Variants in RGS6 observed in about 807,000 individuals in gnomAD.
RGS6 encodes regulator of G-protein signaling 6.
Under a neutral mutation model 78.5 loss-of-function variants are expected in RGS6, and 30 were observed. The ratio of observed to expected loss-of-function variants is 0.38; its 90% CI spans 0.29 to 0.52. RGS6 has a LOEUF of 0.52. Ranked by LOEUF, RGS6 falls within the 20% of genes least tolerant of loss-of-function variation. The pLI is 0.85. For synonymous variants in RGS6, 206 were observed against 206.0 expected, an observed-to-expected ratio of 1.00 and a Z score of 0.00; for missense variants, 495 against 609.7, an observed-to-expected ratio of 0.81 and a Z score of 1.98.
At chr14:72,061,769 C>T (rs1236574892) in intron 2 of RGS6, among the ~76,000 whole-genome samples, 1 of 152,138 alleles carries the variant, frequency 6.6e-6, no homozygotes, top group African/African-American at 2.4e-5. Context: ...TACAGATTTG[C>T]TATGATGGTG....
intron 2 of RGS6, among the ~76,000 whole-genome samples, chr14:72,326,955 C>T (rs1029583044): frequency 2.6e-5 from 4 of 152,182 alleles, no homozygotes. Flanking sequence ...GATCTGCCCA[C>T]CTCGGCCTCC....
chr14:72,517,650 G>A (rs2096968000), intron 14 of RGS6, among the ~76,000 whole-genome samples: 1 of 152,180 alleles, frequency 6.6e-6, no homozygotes, highest in South Asian at 2.1e-4. Flanking sequence ...CATATATTGA[G>A]CACCTACTAT....
chr14:71,980,298 G>A (rs1288118068), intron 2 of RGS6, among the ~76,000 whole-genome samples: 2 of 129,678 alleles, frequency 1.5e-5, no homozygotes, highest in African/African-American at 3.0e-5. Context: ...ATTTGATCCT[G>A]TCATTATGAT....
intron 3 of RGS6, among the ~76,000 whole-genome samples, chr14:72,451,722 C>T (rs932089698): frequency 6.6e-6 from 1 of 152,120 alleles, no homozygotes; most frequent in Non-Finnish European, 1.5e-5. Flanking sequence ...CAGGAAACCT[C>T]ACAGTTTCTA....
intron 3 of RGS6, among the ~76,000 whole-genome samples, chr14:72,356,874 T>C (rs952771613): frequency 6.6e-6 from 1 of 152,238 alleles, no homozygotes; most frequent in Non-Finnish European, 1.5e-5. Context: ...ATATGTCCTT[T>C]ATAAATTACC....
intron 3 of RGS6, among the ~76,000 whole-genome samples, chr14:72,380,847 A>G (rs7140973): frequency 0.5 from 76,002 of 151,576 alleles, 20,823 homozygotes; most frequent in African/African-American, 0.74. Flanking sequence ...GGAAATCAGT[A>G]TATCAAAGGG....
chr14:72,394,699 A>T (rs1453022909), intron 3 of RGS6, among the ~76,000 whole-genome samples: 1 of 152,094 alleles, frequency 6.6e-6, no homozygotes, highest in African/African-American at 2.4e-5. Context: ...AGGTGCCCAG[A>T]TTTCCTATTG....
intron 15 of RGS6, among the ~76,000 whole-genome samples, chr14:72,519,839 A>G (rs2097008893): frequency 6.6e-6 from 1 of 152,200 alleles, no homozygotes; most frequent in South Asian, 2.1e-4. Flanking sequence ...CTGAAGCTCA[A>G]ACTCCAATAT....
intron 2 of RGS6, among the ~76,000 whole-genome samples, chr14:72,217,246 C>T (rs2045810603): frequency 6.6e-6 from 1 of 152,026 alleles, no homozygotes; most frequent in South Asian, 2.1e-4. Context: ...TTGAGAACAC[C>T]CAAAACTTTA....
chr14:72,224,329 G>A (rs2047581982), intron 2 of RGS6, among the ~76,000 whole-genome samples: 1 of 152,060 alleles, frequency 6.6e-6, no homozygotes, highest in Non-Finnish European at 1.5e-5. Flanking sequence ...GAGGTGGGAG[G>A]ATGGCTTGAG....
At chr14:71,981,949 G>T (rs11851100) in intron 2 of RGS6, among the ~76,000 whole-genome samples, 2 of 151,450 alleles carry the variant, frequency 1.3e-5, no homozygotes, top group Admixed American at 6.6e-5. Flanking sequence ...CTCCGTGGGC[G>T]TAGGACCCTC....
intron 3 of RGS6, among the ~76,000 whole-genome samples, chr14:72,392,500 G>A (rs1270705859): frequency 6.6e-6 from 1 of 152,080 alleles, no homozygotes. Context: ...CACGCACCTG[G>A]CCCAAGAGTC....
intron 2 of RGS6, among the ~76,000 whole-genome samples, chr14:72,061,306 T>C (rs934118554): frequency 6.6e-6 from 1 of 152,206 alleles, no homozygotes; most frequent in African/African-American, 2.4e-5. Flanking sequence ...GTTGGGATTT[T>C]GTTGAGATAA....
chr14:72,434,208 G>A (rs1158586761), intron 3 of RGS6, among the ~76,000 whole-genome samples: 1 of 152,066 alleles, frequency 6.6e-6, no homozygotes, highest in Non-Finnish European at 1.5e-5. Flanking sequence ...GTGGTGGCAT[G>A]CACCTATAGT....
chr14:72,166,093 GACACAC>G (rs3055029), intron 2 of RGS6, among the ~76,000 whole-genome samples: 6,431 of 107,702 alleles, frequency 0.06, 255 homozygotes, highest in Middle Eastern at 0.17. Flanking sequence ...CCATTTTTGA[GACACAC>G]ACACACACAC....
chr14:72,179,927 G>A (rs2097153200), intron 2 of RGS6, among the ~76,000 whole-genome samples: 1 of 152,144 alleles, frequency 6.6e-6, no homozygotes, highest in Non-Finnish European at 1.5e-5. Flanking sequence ...AACCACCATT[G>A]TTTAAGGATC....
rs560687943 is a variant in RGS6 at position 72,424,024 on chromosome 14, C to T, written c.185-30504C>T. Reference sequence around the variant, plus strand: ...CATGTAGCTTCCAGTCTCGTGGTGGCATTTCCTCAGAGGATGAAGCCATCC... The same window carrying T: ...CATGTAGCTTCCAGTCTCGTGGTGGTATTTCCTCAGAGGATGAAGCCATCC... On this transcript the variant is annotated intron_variant, in intron 3 of 17. Coordinates refer to ENST00000553525, the MANE Select transcript of RGS6 (RefSeq NM_001204424.2). Among the ~76,000 whole-genome samples the T allele has an allele frequency of 3.3e-5, 5 of 152,300 alleles. No individual in the cohort carries two copies. The East Asian group carries it at 7.7e-4, about 23-fold the overall frequency.
chr14:71,961,661 G>GT (rs1202851275), intron 1 of RGS6, among the ~76,000 whole-genome samples: 2 of 152,156 alleles, frequency 1.3e-5, no homozygotes, highest in Admixed American at 1.3e-4. Context: ...CCCATTTTCA[G>GT]TTTTCCTCTT....
chr14:72,127,360 C>G (rs920578276), intron 2 of RGS6, among the ~76,000 whole-genome samples: 1 of 152,114 alleles, frequency 6.6e-6, no homozygotes, highest in Admixed American at 6.5e-5. Flanking sequence ...AAATCTTTGT[C>G]TCCAGTTTTT....
Sources: allele counts gnomAD v4.1 joint callset (sites outside exome capture counted in the v4.1 genomes callset), GRCh38; gene constraint gnomAD v4.1.1; transcripts MANE v1.5; gene names NCBI Gene and HGNC (gene_info 2026-07-23, HGNC 2026-07-21).